Variants in RABEP1 observed in about 807,000 individuals in gnomAD.
RABEP1 encodes the protein rabaptin, RAB GTPase binding effector protein 1, also known as rab GTPase-binding effector protein 1.
A neutral mutation model predicts 123.4 loss-of-function variants in RABEP1; 51 were observed. That is an observed-to-expected ratio of 0.41 (90% CI 0.33 to 0.52). The LOEUF is 0.52. Among genes scored for constraint, RABEP1 ranks in the 20% least tolerant of loss-of-function variants. The pLI is 0.16. For synonymous variants in RABEP1, 347 were observed against 355.2 expected, an observed-to-expected ratio of 0.98 and a Z score of 0.26; for missense variants, 888 against 996.3, an observed-to-expected ratio of 0.89 and a Z score of 1.46.
chr17:5,371,618 G>A (rs1308182953), intron 12 of RABEP1: 1 of 152,224 alleles, frequency 6.6e-6, no homozygotes, highest in Non-Finnish European at 1.5e-5. Flanking sequence ...GTGGGCTTTA[G>A]CCAGAGCATA....
Position 5,361,564 on chromosome 17 carries a change from A to C in RABEP1, c.1452A>C (p.Glu484Asp). 6.2e-7 allele frequency: 1 copy of C among 1,614,228 alleles called. No homozygotes were observed. The highest frequency in any genetic ancestry group is 8.5e-7 in the Non-Finnish European group (1 of 1,180,044). Residue 484 changes from glutamate (E) to aspartate (D), a missense_variant, in exon 9 of 18, where the codon GAA (glutamate) becomes GAC (aspartate). Glu to Asp is a conservative substitution (Grantham distance 45). Coordinates refer to ENST00000537505, the MANE Select transcript of RABEP1 (RefSeq NM_004703.6). ...TCAAGGCGATGACACCAGAACAAGAAGAGACAGCGTCCCTCCTCTCCAGCG... is the reference window on the plus strand; with the variant it reads ...TCAAGGCGATGACACCAGAACAAGACGAGACAGCGTCCCTCCTCTCCAGCG... The part of the protein sequence containing the change: ...RAIKAMTPEQ[E>D]ETASLLSSVT...
At chr17:5,294,254 C>T (rs934237120) in intron 1 of RABEP1, among the ~76,000 whole-genome samples, 42 of 152,038 alleles carry the variant, frequency 2.8e-4, no homozygotes, top group Non-Finnish European at 2.4e-4. Context: ...CGTGGTGACA[C>T]GCGTTTGTAA....
intron 6 of RABEP1, among the ~76,000 whole-genome samples, chr17:5,347,460 C>T (rs542706605): frequency 6.6e-6 from 1 of 151,916 alleles, no homozygotes; most frequent in African/African-American, 2.4e-5. Context: ...CAAAACATCA[C>T]CAGGCGTGAG....
At chr17:5,283,632 G>T (rs1413050345) in intron 1 of RABEP1, among the ~76,000 whole-genome samples, 1 of 152,206 alleles carries the variant, frequency 6.6e-6, no homozygotes, top group Non-Finnish European at 1.5e-5. Context: ...GCTTGGTACG[G>T]AGTAGGTACT....
chr17:5,326,418 A>G (rs1905974577), intron 2 of RABEP1, among the ~76,000 whole-genome samples: 1 of 152,240 alleles, frequency 6.6e-6, no homozygotes. Context: ...GATTCCAAGC[A>G]TATGACATTC....
chr17:5,321,143 C>G (rs2075351491), intron 2 of RABEP1, among the ~76,000 whole-genome samples: 1 of 151,986 alleles, frequency 6.6e-6, no homozygotes, highest in Non-Finnish European at 1.5e-5. Context: ...GACCCTGGCT[C>G]TACAAAAAAT....
In RABEP1 at chr17:5,343,188, G is replaced by A. The variant is rs190715895; in HGVS notation, c.649-3602G>A. Among the ~76,000 whole-genome samples, 84 of 152,284 alleles carry A rather than the reference G, an allele frequency of 5.5e-4. No individual in the cohort carries two copies. The South Asian group carries it at 9.5e-3, about 17-fold the overall frequency. On this transcript the variant is annotated intron_variant, in intron 5 of 17. Transcript: ENST00000537505. Reference sequence around the variant, plus strand: ...AATCGCTTGAACCTGGGAGGCGGAGGTTGCGGGGAGCCAAGATCGCACCAT... The same window carrying A: ...AATCGCTTGAACCTGGGAGGCGGAGATTGCGGGGAGCCAAGATCGCACCAT...
chr17:5,285,737 C>T (rs369129944), intron 1 of RABEP1, among the ~76,000 whole-genome samples: 8 of 152,262 alleles, frequency 5.3e-5, no homozygotes, highest in Non-Finnish European at 7.3e-5. Context: ...GTTAAAGAAA[C>T]GTGCCTGTGT....
At chr17:5,356,486 A>G (rs1033017767) in intron 8 of RABEP1, 5 of 170,078 alleles carry the variant, frequency 2.9e-5, no homozygotes, top group African/African-American at 1.2e-4. Flanking sequence ...AATGTTCATT[A>G]TGGAAAATTT....
chr17:5,349,860 C>A (rs1033046776), intron 6 of RABEP1, among the ~76,000 whole-genome samples: 6 of 152,052 alleles, frequency 3.9e-5, no homozygotes, highest in African/African-American at 1.4e-4. Context: ...TATGGAGGAG[C>A]CTTTGCAAAA....
chr17:5,309,431 A>G (rs545558055), intron 2 of RABEP1, among the ~76,000 whole-genome samples: 8 of 150,466 alleles, frequency 5.3e-5, no homozygotes, highest in Admixed American at 3.3e-4. Flanking sequence ...GCGGGGGCGG[A>G]TCACCTGAGG....
chr17:5,287,649 T>G (rs1269206348), intron 1 of RABEP1, among the ~76,000 whole-genome samples: 1 of 148,862 alleles, frequency 6.7e-6, no homozygotes, highest in Non-Finnish European at 1.5e-5. Context: ...GGGCGTGGTG[T>G]TGTCTCATAC....
intron 1 of RABEP1, among the ~76,000 whole-genome samples, chr17:5,292,190 T>C (rs1033370200): frequency 6.6e-6 from 1 of 152,228 alleles, no homozygotes; most frequent in Non-Finnish European, 1.5e-5. Flanking sequence ...ACGTGAAGTA[T>C]AGACTTAAAG....
intron 1 of RABEP1, among the ~76,000 whole-genome samples, chr17:5,288,603 C>T (rs954426685): frequency 6.6e-5 from 10 of 152,174 alleles, no homozygotes; most frequent in African/African-American, 2.4e-4. Flanking sequence ...CCATGTTCGT[C>T]AGGCTGGCCT....
At chr17:5,353,840 C>T (rs575379502) in intron 7 of RABEP1, among the ~76,000 whole-genome samples, 7 of 152,042 alleles carry the variant, frequency 4.6e-5, no homozygotes, top group Non-Finnish European at 8.8e-5. Context: ...AAAAATTAGG[C>T]GGGCGTGGTG....
intron 9 of RABEP1, 34 bp downstream of exon 9, chr17:5,361,709 C>T (rs774673651): frequency 6.7e-7 from 1 of 1,502,576 alleles, no homozygotes; most frequent in Non-Finnish European, 9.0e-7. Context: ...TCCTCTTGCT[C>T]ACGCTGAGGC....
intron 3 of RABEP1, 78 bp downstream of exon 3, chr17:5,332,230 T>G: frequency 7.5e-7 from 1 of 1,331,674 alleles, no homozygotes; most frequent in Admixed American, 2.0e-5. Context: ...TCAGAGAATC[T>G]TAAAATATAT....
intron 1 of RABEP1, among the ~76,000 whole-genome samples, chr17:5,301,689 A>G (rs1057330441): frequency 6.6e-6 from 1 of 152,162 alleles, no homozygotes; most frequent in Non-Finnish European, 1.5e-5. Context: ...TACCAAACTT[A>G]GAGTAATAAA....
intron 1 of RABEP1, among the ~76,000 whole-genome samples, chr17:5,294,664 T>A (rs2075064927): frequency 1.1e-5 from 1 of 90,314 alleles, no homozygotes; most frequent in Admixed American, 1.3e-4. Flanking sequence ...TTTTTTTTTT[T>A]TGAGATGGAG....
Sources: gnomAD v4.1 joint callset for allele counts (sites outside exome capture counted in the v4.1 genomes callset) on GRCh38, gnomAD v4.1.1 for gene constraint, MANE v1.5 for transcripts, NCBI Gene and HGNC (gene_info 2026-07-23, HGNC 2026-07-21) for gene names.